Variants in ZFP2 observed in about 807,000 individuals in gnomAD.
The protein encoded by ZFP2 is zinc finger protein ZFP2.
ZFP2 carries 33 observed loss-of-function variants against 36.1 expected under a neutral mutation model. That is an observed-to-expected ratio of 0.92 (90% CI 0.69 to 1.22). The LOEUF is 1.22. ZFP2 is among the 50% of genes most tolerant of loss of function. ZFP2 has a pLI of 0.00. For synonymous variants in ZFP2, 170 were observed against 178.0 expected (o/e 0.96, Z 0.36); for missense variants, 522 against 551.4 (o/e 0.95, Z 0.53).
chr5:178,901,313 G>T (rs1312405292), intron 1 of ZFP2, among the ~76,000 whole-genome samples: 1 of 152,174 alleles, frequency 6.6e-6, no homozygotes, highest in African/African-American at 2.4e-5. Context: ...TCCATACTTG[G>T]TGTATCCATT....
chr5:178,930,730 G>C (rs1425906687), intron 4 of ZFP2, among the ~76,000 whole-genome samples: 3 of 152,160 alleles, frequency 2.0e-5, no homozygotes, highest in African/African-American at 7.2e-5. Context: ...AAGTTTGTCT[G>C]ACTTTGAGTC....
chr5:178,913,288 GC>G (rs772318925), intron 3 of ZFP2, among the ~76,000 whole-genome samples: 6 of 152,156 alleles, frequency 3.9e-5, no homozygotes, highest in Admixed American at 6.5e-5. Context: ...TACATTTATG[GC>G]ACTTACCCAC....
At chr5:178,904,197 A>G (rs899918108) in intron 1 of ZFP2, among the ~76,000 whole-genome samples, 10 of 152,198 alleles carry the variant, frequency 6.6e-5, no homozygotes, top group Non-Finnish European at 1.0e-4. Context: ...CATTAAACAT[A>G]TTTAGCGCTT....
chr5:178,925,160 C>T (rs4371739), intron 4 of ZFP2, among the ~76,000 whole-genome samples: 110,082 of 132,632 alleles, frequency 0.83, 44,247 homozygotes, highest in East Asian at 0.96. Flanking sequence ...CATATATATA[C>T]ACATATATAC....
At chr5:178,906,917 T>C (rs1758178728) in intron 1 of ZFP2, among the ~76,000 whole-genome samples, 1 of 152,064 alleles carries the variant, frequency 6.6e-6, no homozygotes, top group African/African-American at 2.4e-5. Flanking sequence ...CTTTTTAATC[T>C]GTTCCAAAGT....
At chr5:178,902,493 G>T (rs2113052608) in intron 1 of ZFP2, among the ~76,000 whole-genome samples, 1 of 152,258 alleles carries the variant, frequency 6.6e-6, no homozygotes, top group South Asian at 2.1e-4. Context: ...CTTTTATCTA[G>T]AAAAGTTCAT....
chr5:178,926,847 C>T (rs2076476966), intron 4 of ZFP2, among the ~76,000 whole-genome samples: 1 of 152,164 alleles, frequency 6.6e-6, no homozygotes, highest in Admixed American at 6.5e-5. Context: ...CTCAGTTTGA[C>T]AGTTCCTCTG....
rs1279922490 is a variant in ZFP2 at position 178,909,997 on chromosome 5, A to G, written c.-449-2587A>G. On this transcript the variant is annotated intron_variant, in intron 1 of 4. Transcript: ENST00000361362. ...TTGTTCTGGGTAGAGACTAGTTTCC[A>G]TAGGGTGATGGCTATTTGCCGATGC... 28 of 1,422,308 alleles carry G rather than the reference A, an allele frequency of 2.0e-5. 2 individuals are homozygous for G. Among genetic ancestry groups the G allele is most frequent in the East Asian group, 9.1e-5 (4 of 43,896 alleles). 88.1% of individuals were successfully genotyped at this position (1,422,308 alleles called of 1,614,324 possible).
At chr5:178,926,253 C>G (rs34186550) in intron 4 of ZFP2, among the ~76,000 whole-genome samples, 28,564 of 151,794 alleles carry the variant, frequency 0.19, 3,261 homozygotes, top group Non-Finnish European at 0.24. Flanking sequence ...TTCTCATTCT[C>G]TGTTTTAATT....
chr5:178,933,052 G>T lies in ZFP2; in HGVS notation c.*353G>T. ...TTTAACTGGACAGCCCAGAGACCTGGTATGTAGTCCTAATCTGCCACTGCC... is the reference window on the plus strand; with the variant it reads ...TTTAACTGGACAGCCCAGAGACCTGTTATGTAGTCCTAATCTGCCACTGCC... On this transcript the variant is annotated 3_prime_UTR_variant, in exon 5 of 5. Coordinates refer to ENST00000361362, the MANE Select transcript of ZFP2 (RefSeq NM_030613.4). 5.1e-6 allele frequency: 1 copy of T among 194,390 alleles called. No individual in the cohort carries two copies. Among genetic ancestry groups the T allele is most frequent in the Non-Finnish European group, 1.2e-5 (1 of 85,156 alleles). 12.0% of individuals were successfully genotyped at this position (194,390 alleles called of 1,614,324 possible). A position where few individuals can be genotyped will look rare whatever the true frequency, so the allele number is the denominator to read the frequency against.
intron 4 of ZFP2, among the ~76,000 whole-genome samples, chr5:178,925,691 T>C (rs1335503178): frequency 6.7e-6 from 1 of 149,364 alleles, no homozygotes; most frequent in Non-Finnish European, 1.5e-5. Flanking sequence ...CATTCAGGCT[T>C]CCTTTCCTTA....
chr5:178,897,663 T>TA (rs1191527503), intron 1 of ZFP2, among the ~76,000 whole-genome samples: 1 of 152,234 alleles, frequency 6.6e-6, no homozygotes, highest in Non-Finnish European at 1.5e-5. Flanking sequence ...TACACACACA[T>TA]ACATAAATAC....
rs1403858570 is a variant in ZFP2 at position 178,931,538 on chromosome 5, C to G, written c.225C>G (p.Asn75Lys). 4 of 1,614,132 alleles carry G rather than the reference C, an allele frequency of 2.5e-6. No individual in the cohort carries two copies. Among genetic ancestry groups the G allele is most frequent in the Non-Finnish European group, 3.4e-6 (4 of 1,180,032 alleles). The change falls in exon 5 of 5, where the codon AAC (asparagine) becomes AAG (lysine). Residue 75 changes from asparagine to lysine, a missense_variant. Coordinates refer to ENST00000361362, the MANE Select transcript of ZFP2 (RefSeq NM_030613.4). ...QSIPMVKRPH[N>K]CNSHGEDATQ... ...TTCCTATGGTAAAAAGGCCCCATAA[C>G]TGTAATTCACATGGAGAAGATGCCA...
intron 4 of ZFP2, among the ~76,000 whole-genome samples, chr5:178,929,946 G>GTA (rs1469559379): frequency 2.7e-5 from 4 of 147,498 alleles, no homozygotes; most frequent in Admixed American, 6.8e-5. Flanking sequence ...TGACGGTGGG[G>GTA]GGGGGGGCTC....
chr5:178,929,110 C>T (rs1255535931), intron 4 of ZFP2, among the ~76,000 whole-genome samples: 3 of 151,922 alleles, frequency 2.0e-5, no homozygotes, highest in Non-Finnish European at 4.4e-5. Flanking sequence ...CTGTGCAGGG[C>T]ACCGGGCCCT....
chr5:178,931,614 A>G lies in ZFP2; in HGVS notation c.301A>G (p.Ile101Val). ...KTQRMFVGKK[I>V]YECNQCSKTF... ...TCAAAGAATGTTTGTAGGAAAGAAG[A>G]TCTATGAATGTAATCAGTGCAGCAA... The change falls in exon 5 of 5, where the codon ATC becomes GTC. Residue 101 changes from isoleucine to valine, a missense_variant. By Grantham distance (29) the Ile-to-Val change is conservative. Coordinates refer to ENST00000361362, the MANE Select transcript of ZFP2 (RefSeq NM_030613.4). 6.2e-7 allele frequency: 1 copy of G among 1,614,160 alleles called. No homozygotes were observed. The highest frequency in any genetic ancestry group is 1.1e-5 in the South Asian group (1 of 91,082).
intron 4 of ZFP2, among the ~76,000 whole-genome samples, chr5:178,920,636 CAA>C (rs373794810): frequency 2.5e-5 from 3 of 118,438 alleles, no homozygotes; most frequent in South Asian, 2.7e-4. Flanking sequence ...GACTTCGTCT[CAA>C]AAAAAAAAAA....
chr5:178,910,373 A>G, intron 1 of ZFP2: 1 of 1,025,558 alleles, frequency 9.8e-7, no homozygotes, highest in Non-Finnish European at 1.5e-6. Flanking sequence ...ACTCCTCGGC[A>G]CTGGAGTTGG....
chr5:178,917,608 C>CGG (rs1372464016), intron 4 of ZFP2, among the ~76,000 whole-genome samples: 1 of 151,252 alleles, frequency 6.6e-6, no homozygotes, highest in Admixed American at 6.6e-5. Flanking sequence ...GAGCAAGACT[C>CGG]CATCTCAAAA....
Sources: gnomAD v4.1 joint callset for allele counts (sites outside exome capture counted in the v4.1 genomes callset) on GRCh38, gnomAD v4.1.1 for gene constraint, MANE v1.5 for transcripts, NCBI Gene and HGNC (gene_info 2026-07-23, HGNC 2026-07-21) for gene names.